SHCBP1L: variants seen among roughly 807,000 people sequenced by gnomAD.
SHCBP1L encodes the protein SHC binding and spindle associated 1 like.
In SHCBP1L, 67 loss-of-function variants were observed where a neutral mutation model predicts 62.5. That is an observed-to-expected ratio of 1.07 (90% confidence interval 0.88 to 1.31). The LOEUF (loss-of-function observed/expected upper bound fraction) is 1.31. Among genes scored for constraint, SHCBP1L ranks in the 40% most tolerant of loss-of-function variants. The probability of loss-of-function intolerance (pLI) is 0.00; values close to 1 mark genes in which losing one functional copy is unlikely to be tolerated. For synonymous variants in SHCBP1L, 284 were observed against 289.4 expected (o/e 0.98, Z 0.19); for missense variants, 823 against 809.8 (o/e 1.02, Z -0.20).
chr1:182,903,316 A>G (rs957373432), intron 8 of SHCBP1L, among the ~76,000 whole-genome samples, 155 bp from the exon 9 acceptor site: 7 of 152,204 alleles, frequency 4.6e-5, no homozygotes. Context: ...AATTGTAAAG[A>G]TAATATTTAA....
Position 182,916,265 on chromosome 1 carries a change from A to G in SHCBP1L, c.1183-10616T>C, listed in dbSNP as rs1393284147. ...GAAATTTATAGCAGTAAATGCCTAC[A>G]TTAAAAAAGAAAGATCTCAAATCAG... On this transcript the variant is annotated intron_variant, in intron 6 of 9. Coordinates refer to ENST00000367547, the MANE Select transcript of SHCBP1L (RefSeq NM_030933.4). Among the ~76,000 whole-genome samples the G allele has an allele frequency of 2.6e-5, 4 of 152,204 alleles. No homozygotes were observed. In the East Asian group the frequency reaches 7.7e-4, roughly 29 times the overall value.
At chr1:182,939,142 T>C in intron 5 of SHCBP1L, 34 bp downstream of exon 5, 1 of 1,520,824 alleles carries the variant, frequency 6.6e-7, no homozygotes, top group Non-Finnish European at 9.0e-7. Context: ...CCATGTAAAC[T>C]TTTGCTTCTA....
At chr1:182,924,935 GAAGA>G (rs71127327) in intron 6 of SHCBP1L, among the ~76,000 whole-genome samples, 2,447 of 62,296 alleles carry the variant, frequency 0.039, 43 homozygotes, top group Non-Finnish European at 0.043. Context: ...AGGAAGGAAG[GAAGA>G]AAGAAAGAAA....
At chr1:182,951,239 T>C in intron 2 of SHCBP1L, 79 bp downstream of exon 2, 1 of 1,145,206 alleles carries the variant, frequency 8.7e-7, no homozygotes, top group South Asian at 2.3e-5. Context: ...TGTGTATCAA[T>C]CTCCAAATAA....
chr1:182,904,791 T>C (rs1017269043), intron 7 of SHCBP1L, among the ~76,000 whole-genome samples: 3 of 151,902 alleles, frequency 2.0e-5, no homozygotes, highest in African/African-American at 7.3e-5. Context: ...AGTCTTGCTC[T>C]TTCACCCAGG....
At chr1:182,913,805 A>C (rs1438829173) in intron 6 of SHCBP1L, among the ~76,000 whole-genome samples, 1 of 152,186 alleles carries the variant, frequency 6.6e-6, no homozygotes, top group Admixed American at 6.5e-5. Context: ...ACATGGCGAA[A>C]CCCCATCTCT....
rs940637936 is a variant in SHCBP1L, at chr1:182,940,515, G to C, written c.584C>G (p.Ser195Ter). ...EVTCEPYQDS[S>*]SRFKVTVSVA... ...AGAAACAGTAACTTTGAAACGAGATGATGAGTCTTGGTATGGTTCACAAGT... is the reference window on the plus strand; with the variant it reads ...AGAAACAGTAACTTTGAAACGAGATCATGAGTCTTGGTATGGTTCACAAGT... Residue 195 changes from serine to a stop codon, truncating the protein, a stop_gained, in exon 3 of 10, where the codon TCA becomes TGA. Transcript: ENST00000367547. LOFTEE classifies it high-confidence loss of function. 1.2e-6 allele frequency: 2 copies of C among 1,613,810 alleles called. No homozygotes were observed. Among genetic ancestry groups the C allele is most frequent in the African/African-American group, 2.7e-5 (2 of 74,922 alleles).
intron 5 of SHCBP1L, among the ~76,000 whole-genome samples, chr1:182,937,371 G>T (rs1401626226): frequency 1.3e-5 from 2 of 152,014 alleles, no homozygotes; most frequent in African/African-American, 4.8e-5. Flanking sequence ...TATTTTCATA[G>T]TTCCTTCTGA....
At chr1:182,941,972 G>T (rs1651385041) in intron 2 of SHCBP1L, 5 of 1,107,952 alleles carry the variant, frequency 4.5e-6, no homozygotes, top group Middle Eastern at 2.6e-4. Context: ...GATGAGGTGG[G>T]ATTCCCTCCT....
intron 5 of SHCBP1L, among the ~76,000 whole-genome samples, chr1:182,935,656 T>C (rs897040950): frequency 2.0e-5 from 3 of 152,186 alleles, no homozygotes; most frequent in African/African-American, 7.2e-5. Context: ...CTTTTTCTTG[T>C]CTTATTGCAT....
intron 5 of SHCBP1L, among the ~76,000 whole-genome samples, chr1:182,930,727 A>ATGTAT (rs1557999584): frequency 4.8e-5 from 1 of 20,942 alleles, no homozygotes; most frequent in Non-Finnish European, 8.5e-5. Flanking sequence ...ATATATATGT[A>ATGTAT]TTTTTTTTTT....
At chr1:182,917,384 G>T (rs1650387567) in intron 6 of SHCBP1L, among the ~76,000 whole-genome samples, 1 of 152,096 alleles carries the variant, frequency 6.6e-6, no homozygotes, top group South Asian at 2.1e-4. Context: ...AATCTCAATT[G>T]ATGCAGAAAA....
At chr1:182,949,345 G>C (rs932724083) in intron 2 of SHCBP1L, among the ~76,000 whole-genome samples, 1 of 151,444 alleles carries the variant, frequency 6.6e-6, no homozygotes, top group Admixed American at 6.6e-5. Flanking sequence ...ATCCAGAGAA[G>C]TTGTGAAAGA....
intron 8 of SHCBP1L, 149 bp from the exon 9 acceptor site, chr1:182,903,310 G>T (rs1245377124): frequency 3.7e-6 from 2 of 538,012 alleles, no homozygotes; most frequent in African/African-American, 2.0e-5. Context: ...ACTGTTAATT[G>T]TAAAGATAAT....
intron 4 of SHCBP1L, 31 bp from the exon 5 acceptor site, chr1:182,939,425 A>AT (rs779298388): frequency 7.5e-6 from 12 of 1,608,434 alleles, no homozygotes; most frequent in Admixed American, 1.7e-5. Flanking sequence ...TACAATGTTT[A>AT]TTTTTTCTAA....
At chr1:182,940,695 A>C (rs1378256773) in intron 2 of SHCBP1L, 152 bp from the exon 3 acceptor site, 2 of 595,498 alleles carry the variant, frequency 3.4e-6, no homozygotes, top group Non-Finnish European at 5.6e-6. Flanking sequence ...ATAGATCAAT[A>C]TTAAATATAC....
chr1:182,951,023 T>A (rs933728862), intron 2 of SHCBP1L, among the ~76,000 whole-genome samples: 1 of 152,188 alleles, frequency 6.6e-6, no homozygotes, highest in African/African-American at 2.4e-5. Flanking sequence ...CCAAGTTTGT[T>A]AAAGACTGAA....
intron 6 of SHCBP1L, among the ~76,000 whole-genome samples, chr1:182,912,170 G>A (rs74129620): frequency 0.093 from 14,221 of 152,242 alleles, 967 homozygotes; most frequent in African/African-American, 0.18. Flanking sequence ...CGCCAGGCAC[G>A]GTGGCTCACG....
intron 6 of SHCBP1L, among the ~76,000 whole-genome samples, chr1:182,929,256 C>T (rs901707352): frequency 6.6e-5 from 10 of 152,118 alleles, no homozygotes; most frequent in African/African-American, 1.9e-4. Flanking sequence ...GGTACATATC[C>T]TTATCATAGC....
Sources: allele counts gnomAD v4.1 joint callset (sites outside exome capture counted in the v4.1 genomes callset), GRCh38; gene constraint gnomAD v4.1.1; transcripts MANE v1.5; gene names NCBI Gene and HGNC (gene_info 2026-07-23, HGNC 2026-07-21).